Variants in SUDS3 observed in about 807,000 individuals in gnomAD.
SUDS3 encodes the protein sin3 histone deacetylase corepressor complex component SDS3.
SUDS3 carries 23 observed loss-of-function variants against 53.5 expected under a neutral mutation model. That is an observed-to-expected ratio of 0.43 (90% confidence interval 0.31 to 0.61). The LOEUF is 0.61. Among genes scored for constraint, SUDS3 ranks in the 20% least tolerant of loss-of-function variants. The pLI, the probability that SUDS3 is intolerant of heterozygous loss-of-function variation, is 0.10. For missense variants in SUDS3, 291 were observed against 405.9 expected, an observed-to-expected ratio of 0.72 and a Z score of 2.43; for synonymous variants, 150 against 148.5, an observed-to-expected ratio of 1.01 and a Z score of -0.08.
chr12:118,389,786 T>G, intron 4 of SUDS3, 141 bp from the exon 5 acceptor site: 1 of 990,836 alleles, frequency 1.0e-6, no homozygotes, highest in South Asian at 1.5e-5. Context: ...CCTTCGTGTA[T>G]ATCAACATTT....
intron 10 of SUDS3, among the ~76,000 whole-genome samples, chr12:118,408,644 T>C (rs1192944571): frequency 6.6e-6 from 1 of 152,244 alleles, no homozygotes; most frequent in South Asian, 2.1e-4. Flanking sequence ...GTAACATGTG[T>C]ATGTTTTATC....
At position 118,376,796 on chromosome 12, in the gene SUDS3, C is replaced by T. The variant is rs934932157; in HGVS notation, c.105C>T (p.Asp35=). ...EEDEELESAE[D]DERSCRGRES... ...ATGAAGAGCTGGAGAGCGCCGAGGA[C>T]GACGAGCGCAGCTGTCGGGGCCGCG... The change falls in exon 1 of 12, where the codon GAC becomes GAT. Residue 35 remains aspartate, a synonymous_variant. Coordinates refer to ENST00000543473, the MANE Select transcript of SUDS3 (RefSeq NM_022491.3). The T allele has an allele frequency of 5.7e-5, 89 of 1,552,562 alleles. No individual in the cohort carries two copies. The highest frequency in any genetic ancestry group is 7.4e-5 in the Non-Finnish European group (85 of 1,155,514).
Position 118,390,995 on chromosome 12 carries a change from C to T in SUDS3, c.361-131C>T, listed in dbSNP as rs536987621. On this transcript the variant is annotated intron_variant, in intron 5 of 11. Coordinates refer to ENST00000543473, the MANE Select transcript of SUDS3 (RefSeq NM_022491.3). Reference sequence around the variant, plus strand: ...TCGCTGGAAAGCTTGTTCTCAGACACACTGTTACTGCAAGTGTGTGTGAGG... The same window carrying T: ...TCGCTGGAAAGCTTGTTCTCAGACATACTGTTACTGCAAGTGTGTGTGAGG... 4.3e-5 allele frequency: 45 copies of T among 1,038,892 alleles called. No homozygotes were observed. The African/African-American group carries it at 6.7e-4, about 16-fold the overall frequency. The allele number at this position is 1,038,892 out of a possible 1,614,324, so 64.4% of individuals were successfully genotyped here.
intron 10 of SUDS3, among the ~76,000 whole-genome samples, chr12:118,406,191 G>A (rs534677242): frequency 9.9e-5 from 15 of 152,240 alleles, no homozygotes; most frequent in African/African-American, 3.1e-4. Context: ...TTGATGGTAC[G>A]GGTGGACTTC....
intron 6 of SUDS3, among the ~76,000 whole-genome samples, chr12:118,394,015 C>T: frequency 6.6e-6 from 1 of 152,108 alleles, no homozygotes; most frequent in East Asian, 1.9e-4. Context: ...GTCGCTGATC[C>T]TGCTGGTTGA....
intron 6 of SUDS3, among the ~76,000 whole-genome samples, chr12:118,397,954 T>G (rs1198109218): frequency 1.3e-5 from 2 of 152,182 alleles, no homozygotes; most frequent in Admixed American, 1.3e-4. Flanking sequence ...GGCTATGTGC[T>G]TTTCCTTTGG....
chr12:118,380,121 A>G, intron 1 of SUDS3, 41 bp from the exon 2 acceptor site: 1 of 1,542,658 alleles, frequency 6.5e-7, no homozygotes, highest in Non-Finnish European at 8.9e-7. Flanking sequence ...AACTCCGTGA[A>G]TTATGATTTT....
chr12:118,411,672 A>AT (rs796568314), intron 11 of SUDS3, among the ~76,000 whole-genome samples: 19 of 150,590 alleles, frequency 1.3e-4, no homozygotes, highest in African/African-American at 2.2e-4. Context: ...TAATTTTTGT[A>AT]TTTTTTTTTA....
In SUDS3 at chr12:118,410,555, C is replaced by CTTTATTTATTTA. The variant is rs767637189; in HGVS notation, c.804-502_804-491dup. Among the ~76,000 whole-genome samples the CTTTATTTATTTA allele has an allele frequency of 0.017, 2,523 of 148,962 alleles. 165 individuals carry two copies. The East Asian group carries it at 0.22, about 13-fold the overall frequency. ...GGTCTTCTAACCTAAGGATGGAAGC[C>CTTTATTTATTTA]TTTATTTATTTATTTATTTATTTAT... On this transcript the variant is annotated intron_variant, in intron 10 of 11. Transcript: ENST00000543473.
At chr12:118,392,747 TG>T (rs1480937142) in intron 6 of SUDS3, among the ~76,000 whole-genome samples, 6 of 152,226 alleles carry the variant, frequency 3.9e-5, no homozygotes, top group African/African-American at 1.4e-4. Context: ...ACCAGATGTT[TG>T]GGAGCCTTCA....
intron 6 of SUDS3, 100 bp from the exon 7 acceptor site, chr12:118,400,559 C>T: frequency 1.8e-6 from 2 of 1,104,220 alleles, no homozygotes; most frequent in Non-Finnish European, 1.4e-6. Flanking sequence ...TAAAACAGTT[C>T]TGATTGGGTG....
At chr12:118,395,215 G>GTTTTTTTTTTTTTTTTTTTTT (rs1566202836) in intron 6 of SUDS3, among the ~76,000 whole-genome samples, 1 of 134,520 alleles carries the variant, frequency 7.4e-6, no homozygotes, top group African/African-American at 2.9e-5. Context: ...GTGGAATCAG[G>GTTTTTTTTTTTTTTTTTTTTT]GTTTTTTTTT....
At chr12:118,403,709 C>T (rs757368457) in intron 10 of SUDS3, among the ~76,000 whole-genome samples, 192 bp downstream of exon 10, 9 of 152,172 alleles carry the variant, frequency 5.9e-5, no homozygotes, top group Non-Finnish European at 1.3e-4. Context: ...AGCAGCGTTT[C>T]CCAAAACCAT....
At chr12:118,407,589 C>G (rs2046319024) in intron 10 of SUDS3, among the ~76,000 whole-genome samples, 1 of 152,148 alleles carries the variant, frequency 6.6e-6, no homozygotes, top group Admixed American at 6.5e-5. Context: ...CTAAGTACCA[C>G]TGAAGGAAAA....
rs747850115 is a variant in SUDS3 at position 118,376,863 on chromosome 12, G to A, written c.142+30G>A. 5.7e-5 allele frequency: 85 copies of A among 1,503,622 alleles called. 1 individual carries two copies. In the South Asian group the frequency reaches 1.0e-3, roughly 18 times the overall value. 93.1% of individuals were successfully genotyped at this position (1,503,622 alleles called of 1,614,324 possible). On this transcript the variant is annotated intron_variant, in intron 1 of 11. Coordinates refer to ENST00000543473, the MANE Select transcript of SUDS3 (RefSeq NM_022491.3). ...GTCCTGCCGCTCGCCCGGCCGCCCG[G>A]AGCGGAGGTGGGACCGCTGGGGGAG... is the stretch of plus-strand genomic sequence containing the variant.
chr12:118,404,724 C>A (rs999171465), intron 10 of SUDS3, among the ~76,000 whole-genome samples: 2 of 151,990 alleles, frequency 1.3e-5, no homozygotes, highest in African/African-American at 4.8e-5. Flanking sequence ...GAATGTTTTT[C>A]TGGGTTACTG....
chr12:118,384,831 CAA>C (rs879854991), intron 3 of SUDS3, among the ~76,000 whole-genome samples: 10 of 126,386 alleles, frequency 7.9e-5, no homozygotes, highest in Admixed American at 8.1e-5. Flanking sequence ...GACTCAGTCT[CAA>C]AAAAAAAAAA....
Position 118,403,459 on chromosome 12 carries a change from C to G in SUDS3, c.745C>G (p.Pro249Ala). ...CTTGCCTGCAACACCCGCGGAATCTCCAGCCCAGAGGTTCGAAGCTCGGAT... is the reference window on the plus strand; with the variant it reads ...CTTGCCTGCAACACCCGCGGAATCTGCAGCCCAGAGGTTCGAAGCTCGGAT... Reference protein sequence around the residue: ...EHLPATPAESPAQRFEARIED... With the variant: ...EHLPATPAESAAQRFEARIED... The change falls in exon 10 of 12, where the codon CCA (proline) becomes GCA (alanine). Residue 249 changes from proline to alanine, a missense_variant. By Grantham distance (27) the Pro-to-Ala change is conservative. This residue lies in a region of SUDS3 where 77 missense variants were observed against 87.1 expected (regional missense o/e 0.88). Transcript: ENST00000543473. The G allele has an allele frequency of 6.2e-7, 1 of 1,613,778 alleles. No homozygotes were observed. Among genetic ancestry groups the G allele is most frequent in the Non-Finnish European group, 8.5e-7 (1 of 1,179,842 alleles).
chr12:118,411,463 G>A (rs532553856), intron 11 of SUDS3, among the ~76,000 whole-genome samples: 1 of 152,172 alleles, frequency 6.6e-6, no homozygotes, highest in African/African-American at 2.4e-5. Flanking sequence ...GCAAGTCTGT[G>A]TGGTGTCTGT....
Sources: allele counts gnomAD v4.1 joint callset (sites outside exome capture counted in the v4.1 genomes callset), GRCh38; gene constraint gnomAD v4.1.1; regional missense constraint gnomAD v4.1.1; transcripts MANE v1.5; gene names NCBI Gene and HGNC (gene_info 2026-07-23, HGNC 2026-07-21).